Variants in IL9 observed in about 807,000 individuals in gnomAD.
IL9 encodes interleukin 9, also known as interleukin-9.
A neutral mutation model predicts 12.9 loss-of-function variants in IL9; 16 were observed. The observed-to-expected ratio is 1.24, with a 90% CI of 0.84 to 1.88. The LOEUF (loss-of-function observed/expected upper bound fraction) is 1.88, where lower values mean the gene tolerates loss of function less well. IL9 is among the 40% of genes most tolerant of loss of function. The pLI is 0.00. For synonymous variants in IL9, 69 were observed against 63.8 expected, an observed-to-expected ratio of 1.08 and a Z score of -0.39; for missense variants, 170 against 173.1, an observed-to-expected ratio of 0.98 and a Z score of 0.10.
At chr5:135,893,959 G>A (rs1762908506) in intron 4 of IL9, 61 bp downstream of exon 4, 2 of 1,428,024 alleles carry the variant, frequency 1.4e-6, no homozygotes, top group Admixed American at 2.1e-5. Flanking sequence ...AAACAGGGTT[G>A]GCATCACCAT....
In IL9 at chr5:135,895,826, G is replaced by A. The variant is rs1186985932; in HGVS notation, c.-10C>T. The stretch of plus-strand genomic sequence containing the variant: ...CCATGGCCAGAAGCATCTTGACAGC[G>A]GACTGGAGCTCGCTTGCAGACACCT... On this transcript the variant is annotated 5_prime_UTR_variant, in exon 1 of 5. Transcript: ENST00000274520. The A allele has an allele frequency of 6.9e-6, 11 of 1,584,158 alleles. No individual in the cohort carries two copies. Among genetic ancestry groups the A allele is most frequent in the Middle Eastern group, 3.8e-4 (2 of 5,198 alleles).
chr5:135,894,625 C>T (rs1762918161), intron 3 of IL9, among the ~76,000 whole-genome samples: 1 of 152,218 alleles, frequency 6.6e-6, no homozygotes, highest in Admixed American at 6.5e-5. Flanking sequence ...GCACTCTATC[C>T]TCTTCTCATC....
At chr5:135,895,679 C>G in intron 1 of IL9, 24 bp downstream of exon 1, 2 of 1,607,148 alleles carry the variant, frequency 1.2e-6, no homozygotes, top group Non-Finnish European at 1.7e-6. Context: ...GCTGTCTTTC[C>G]CATGGGCTCC....
At chr5:135,895,385 TAAAAAC>T (rs1208170765) in intron 3 of IL9, 49 bp downstream of exon 3, 55 of 1,486,822 alleles carry the variant, frequency 3.7e-5, no homozygotes, top group Admixed American at 1.9e-4. Flanking sequence ...TATTTTTACT[TAAAAAC>T]AAACCAAAAA....
Position 135,892,362 on chromosome 5 carries a change from T to C in IL9, c.*29A>G. ...ACTTAAAGAGAAAGCTTTTTAAATT[T>C]AATAAATAGGATAAATAATATTTCA... On this transcript the variant is annotated 3_prime_UTR_variant, in exon 5 of 5. Coordinates refer to ENST00000274520, the MANE Select transcript of IL9 (RefSeq NM_000590.2). The C allele has an allele frequency of 1.3e-6, 2 of 1,515,380 alleles. No homozygotes were observed. Among genetic ancestry groups the C allele is most frequent in the Non-Finnish European group, 1.8e-6 (2 of 1,118,176 alleles). 93.9% of individuals were successfully genotyped at this position (1,515,380 alleles called of 1,614,324 possible). A position where few individuals can be genotyped will look rare whatever the true frequency, so the allele number is the denominator to read the frequency against.
At position 135,895,592 on chromosome 5, in the gene IL9, T is replaced by G. The variant is rs370719672; in HGVS notation, c.115-2A>C. On this transcript the variant is annotated splice_acceptor_variant, in intron 1 of 4. Coordinates refer to ENST00000274520, the MANE Select transcript of IL9 (RefSeq NM_000590.2). LOFTEE classifies it high-confidence loss of function. The stretch of plus-strand genomic sequence containing the variant: ...GTGGCACTTGGAAGCTGGATCTTCC[T>G]AAAGTAGATAGAGAGATAAGAACCT... 6.2e-7 allele frequency: 1 copy of G among 1,614,104 alleles called. No individual in the cohort carries two copies. Among genetic ancestry groups the G allele is most frequent in the Admixed American group, 1.7e-5 (1 of 60,030 alleles).
chr5:135,894,457 G>A (rs1310049768), intron 3 of IL9, among the ~76,000 whole-genome samples: 1 of 152,152 alleles, frequency 6.6e-6, no homozygotes, highest in Admixed American at 6.5e-5. Flanking sequence ...CGGCTTCAAG[G>A]CTTGTAAGTC....
At position 135,895,541 on chromosome 5, in the gene IL9, G is replaced by C. The variant is rs776694647; in HGVS notation, c.150+14C>G. 6.2e-7 allele frequency: 1 copy of C among 1,613,764 alleles called. No homozygotes were observed. Among genetic ancestry groups the C allele is most frequent in the Non-Finnish European group, 8.5e-7 (1 of 1,179,786 alleles). On this transcript the variant is annotated intron_variant, in intron 2 of 4. Transcript: ENST00000274520. ...AAAATTAATTTGGAAAGTTCTTAAA[G>C]AGCATTCACTCACATTAGCACTGCA...
intron 3 of IL9, among the ~76,000 whole-genome samples, chr5:135,894,427 T>G (rs549742105): frequency 1.3e-5 from 2 of 152,332 alleles, no homozygotes; most frequent in South Asian, 4.1e-4. Context: ...CTCTGAATGT[T>G]CTTTTCAACG....
At position 135,895,606 on chromosome 5, in the gene IL9, A is replaced by C. The variant is rs1240870857; in HGVS notation, c.115-16T>G. ...CTGGATCTTCCTAAAGTAGATAGAG[A>C]GATAAGAACCTTTAGTCAGCCCCGA... On this transcript the variant is annotated splice_polypyrimidine_tract_variant and intron_variant, in intron 1 of 4. Coordinates refer to ENST00000274520, the MANE Select transcript of IL9 (RefSeq NM_000590.2). 7 of 1,613,840 alleles carry C rather than the reference A, an allele frequency of 4.3e-6. No homozygotes were observed. Among genetic ancestry groups the C allele is most frequent in the Non-Finnish European group, 5.9e-6 (7 of 1,179,802 alleles).
chr5:135,895,305 C>A, intron 3 of IL9, 135 bp downstream of exon 3: 1 of 687,840 alleles, frequency 1.5e-6, no homozygotes, highest in Admixed American at 3.3e-5. Flanking sequence ...GTGGTTTTAA[C>A]AGGGAATACT....
chr5:135,893,699 T>A (rs1257797190), intron 4 of IL9, among the ~76,000 whole-genome samples: 1 of 152,216 alleles, frequency 6.6e-6, no homozygotes, highest in Non-Finnish European at 1.5e-5. Flanking sequence ...ATCTCTAGGA[T>A]AATTTAGTAT....
chr5:135,893,704 T>C (rs1037904992), intron 4 of IL9, among the ~76,000 whole-genome samples: 1 of 152,226 alleles, frequency 6.6e-6, no homozygotes, highest in South Asian at 2.1e-4. Flanking sequence ...TAGGATAATT[T>C]AGTATTATGT....
intron 4 of IL9, 76 bp from the exon 5 acceptor site, chr5:135,892,586 C>T: frequency 1.3e-6 from 2 of 1,497,406 alleles, no homozygotes; most frequent in Non-Finnish European, 1.8e-6. Context: ...GCCTACCTGC[C>T]AAGAGCCAGA....
chr5:135,894,983 C>T (rs1465611629), intron 3 of IL9, among the ~76,000 whole-genome samples: 3 of 152,088 alleles, frequency 2.0e-5, no homozygotes, highest in East Asian at 1.9e-4. Flanking sequence ...GGAGGTATAG[C>T]GCATAGATCA....
At chr5:135,894,282 G>A in intron 3 of IL9, 131 bp from the exon 4 acceptor site, 2 of 876,232 alleles carry the variant, frequency 2.3e-6, no homozygotes, top group East Asian at 2.8e-5. Flanking sequence ...TTTTTAGACA[G>A]GTCCCTTGCC....
rs1762878293 is a variant in IL9 at position 135,892,339 on chromosome 5, T to G, written c.*52A>C. The G allele has an allele frequency of 7.2e-7, 1 of 1,395,612 alleles. No individual in the cohort carries two copies. Among genetic ancestry groups the G allele is most frequent in the Non-Finnish European group, 9.8e-7 (1 of 1,025,486 alleles). 86.5% of individuals were successfully genotyped at this position (1,395,612 alleles called of 1,614,324 possible). On this transcript the variant is annotated 3_prime_UTR_variant, in exon 5 of 5. Coordinates refer to ENST00000274520, the MANE Select transcript of IL9 (RefSeq NM_000590.2). The stretch of plus-strand genomic sequence containing the variant: ...TACTTGATTTTTAAATTGTAGCAAC[T>G]TAAAGAGAAAGCTTTTTAAATTTAA...
At chr5:135,892,862 T>A (rs1384625501) in intron 4 of IL9, among the ~76,000 whole-genome samples, 1 of 152,062 alleles carries the variant, frequency 6.6e-6, no homozygotes, top group Non-Finnish European at 1.5e-5. Flanking sequence ...ATCATTATCC[T>A]TTTAGGTTGT....
chr5:135,894,424 T>C (rs1378900709), intron 3 of IL9, among the ~76,000 whole-genome samples: 1 of 152,186 alleles, frequency 6.6e-6, no homozygotes, highest in Non-Finnish European at 1.5e-5. Flanking sequence ...CGGCTCTGAA[T>C]GTTCTTTTCA....
Sources: allele counts gnomAD v4.1 joint callset (sites outside exome capture counted in the v4.1 genomes callset), GRCh38; gene constraint gnomAD v4.1.1; transcripts MANE v1.5; gene names NCBI Gene and HGNC (gene_info 2026-07-23, HGNC 2026-07-21).